TDRD6: variants seen among roughly 807,000 people sequenced by gnomAD.
TDRD6 encodes the protein tudor domain containing 6.
Under a neutral mutation model 157.5 loss-of-function variants are expected in TDRD6, and 186 were observed. That is an observed-to-expected ratio of 1.18 (90% CI 1.05 to 1.33). The LOEUF (loss-of-function observed/expected upper bound fraction) is 1.33. TDRD6 is among the 40% of genes most tolerant of loss of function. TDRD6 has a pLI of 0.00. For synonymous variants in TDRD6, 1,075 were observed against 945.2 expected, an observed-to-expected ratio of 1.14 and a Z score of -2.52; for missense variants, 3,066 against 2,508.0, an observed-to-expected ratio of 1.22 and a Z score of -4.75.
rs756593966 is a variant in TDRD6 at position 46,690,864 on chromosome 6, T to C, written c.2736T>C (p.Asn912=). The C allele has an allele frequency of 2.5e-6, 4 of 1,613,558 alleles. No homozygotes were observed. Among genetic ancestry groups the C allele is most frequent in the African/African-American group, 1.3e-5 (1 of 74,876 alleles). ...AIQAFNEFID[N]AWQKNLELKC... ...AAGCTTTCAATGAATTTATAGATAA[T>C]GCATGGCAAAAAAATCTAGAATTAA... is the stretch of plus-strand genomic sequence containing the variant. The change falls in exon 1 of 4, where the codon AAT becomes AAC. Residue 912 remains asparagine, a synonymous_variant. Transcript: ENST00000316081.
chr6:46,696,464 GTA>G (rs1764497532), intron 2 of TDRD6, among the ~76,000 whole-genome samples: 1 of 48,192 alleles, frequency 2.1e-5, no homozygotes, highest in African/African-American at 7.6e-5. Flanking sequence ...ATATATATAT[GTA>G]TATGTGTGTA....
Position 46,687,989 on chromosome 6 carries a change from C to G in TDRD6, c.-140C>G, listed in dbSNP as rs1001760566. ...CGACGGGGGAGTTGCCGAGAAAAGG[C>G]CTCGCCGGCATTCTTCCCCTCCACT... On this transcript the variant is annotated 5_prime_UTR_variant, in exon 1 of 4. Coordinates refer to ENST00000316081, the MANE Select transcript of TDRD6 (RefSeq NM_001010870.3). 3.1e-6 allele frequency: 4 copies of G among 1,299,914 alleles called. No homozygotes were observed. Among genetic ancestry groups the G allele is most frequent in the Non-Finnish European group, 4.0e-6 (4 of 1,003,990 alleles). The allele number at this position is 1,299,914 out of a possible 1,614,324, so 80.5% of individuals were successfully genotyped here.
chr6:46,698,151 CA>C (rs1764542469), intron 3 of TDRD6, 64 bp downstream of exon 3: 1 of 1,239,530 alleles, frequency 8.1e-7, no homozygotes, highest in African/African-American at 1.5e-5. Flanking sequence ...GGTGATTTAA[CA>C]AACTATTTCC....
Position 46,690,761 on chromosome 6 carries a change from A to G in TDRD6, c.2633A>G (p.Gln878Arg). ...GAAGAATTTCTGAAGGTTAAGGCAC[A>G]GGCTTTTAGGTGCAGTCTTTATAAT... is the stretch of plus-strand genomic sequence containing the variant. ...ISEEFLKVKAQAFRCSLYNLI... is the reference protein window; with the variant it reads ...ISEEFLKVKARAFRCSLYNLI... The change falls in exon 1 of 4, where the codon CAG (glutamine) becomes CGG (arginine). Residue 878 changes from glutamine (Q) to arginine (R), a missense_variant. Coordinates refer to ENST00000316081, the MANE Select transcript of TDRD6 (RefSeq NM_001010870.3). 1 of 1,614,174 alleles carries G rather than the reference A, an allele frequency of 6.2e-7. No homozygotes were observed. The highest frequency in any genetic ancestry group is 8.5e-7 in the Non-Finnish European group (1 of 1,180,006).
Position 46,687,979 on chromosome 6 carries a change from C to T in TDRD6, c.-150C>T. 5.5e-6 allele frequency: 7 copies of T among 1,266,342 alleles called. No individual in the cohort carries two copies. In the South Asian group the frequency reaches 8.8e-5, roughly 16 times the overall value. 78.4% of individuals were successfully genotyped at this position (1,266,342 alleles called of 1,614,324 possible). A position where few individuals can be genotyped will look rare whatever the true frequency, so the allele number is the denominator to read the frequency against. ...GGAGGACCCTCGACGGGGGAGTTGC[C>T]GAGAAAAGGCCTCGCCGGCATTCTT... On this transcript the variant is annotated 5_prime_UTR_variant, in exon 1 of 4. Transcript: ENST00000316081.
In TDRD6 at chr6:46,693,711, G is replaced by A; in HGVS notation, c.5583G>A (p.Val1861=). 6.2e-7 allele frequency: 1 copy of A among 1,614,174 alleles called. No homozygotes were observed. Among genetic ancestry groups the A allele is most frequent in the Non-Finnish European group, 8.5e-7 (1 of 1,180,034 alleles). ...LESIELQNSL[V]VDEEKGELSP... is the part of the protein sequence containing the mutation. ...CTATTGAGTTACAGAATTCTCTGGTGGTGGATGAAGAAAAAGGGGAGCTAA... is the reference window on the plus strand; with the variant it reads ...CTATTGAGTTACAGAATTCTCTGGTAGTGGATGAAGAAAAAGGGGAGCTAA... Residue 1861 remains valine (V), a synonymous_variant, in exon 1 of 4, where the codon GTG becomes GTA. Transcript: ENST00000316081.
At position 46,689,809 on chromosome 6, in the gene TDRD6, G is replaced by A; in HGVS notation, c.1681G>A (p.Asp561Asn). ...GYYRAIVTKLDDKSVDVFLVD... is the reference protein window; with the variant it reads ...GYYRAIVTKLNDKSVDVFLVD... ...TTATAGGGCCATAGTCACCAAATTG[G>A]ATGACAAGAGTGTGGATGTATTCTT... The change falls in exon 1 of 4, where the codon GAT becomes AAT. Residue 561 changes from aspartate to asparagine, a missense_variant. Transcript: ENST00000316081. 1 of 1,614,184 alleles carries A rather than the reference G, an allele frequency of 6.2e-7. No homozygotes were observed. Among genetic ancestry groups the A allele is most frequent in the Non-Finnish European group, 8.5e-7 (1 of 1,180,044 alleles).
Position 46,694,166 on chromosome 6 carries a change from A to G in TDRD6, c.6038A>G (p.His2013Arg), listed in dbSNP as rs1296449912. ...GSKHNNGLPDHISAQLQNTYT... is the reference protein window; with the variant it reads ...GSKHNNGLPDRISAQLQNTYT... Reference sequence around the variant, plus strand: ...AAGCACAATAATGGTTTACCAGATCATATCTCAGGTATGTGAATTTTTTTT... The same window carrying G: ...AAGCACAATAATGGTTTACCAGATCGTATCTCAGGTATGTGAATTTTTTTT... The change falls in exon 1 of 4, where the codon CAT becomes CGT. Residue 2013 changes from histidine to arginine, a missense_variant. Transcript: ENST00000316081. 5.3e-6 allele frequency: 8 copies of G among 1,522,480 alleles called. No individual in the cohort carries two copies. Among genetic ancestry groups the G allele is most frequent in the Non-Finnish European group, 6.1e-6 (7 of 1,139,996 alleles). 94.3% of individuals were successfully genotyped at this position (1,522,480 alleles called of 1,614,324 possible). A position where few individuals can be genotyped will look rare whatever the true frequency, so the allele number is the denominator to read the frequency against.
At chr6:46,695,986 A>G in intron 2 of TDRD6, 41 bp downstream of exon 2, 2 of 1,593,216 alleles carry the variant, frequency 1.3e-6, no homozygotes, top group South Asian at 1.1e-5. Flanking sequence ...ATGTATTTGC[A>G]GACTATTAAG....
In TDRD6 at chr6:46,690,838, C is replaced by T; in HGVS notation, c.2710C>T (p.Gln904Ter). The change falls in exon 1 of 4, where the codon CAA becomes TAA. Residue 904 changes from glutamine to a stop codon, truncating the protein, a stop_gained. Transcript: ENST00000316081. LOFTEE classifies it high-confidence loss of function. The part of the protein sequence containing the change: ...NPFVWDVKAI[Q>*]AFNEFIDNAW... ...CTTTGTTTGGGATGTAAAGGCAATA[C>T]AAGCTTTCAATGAATTTATAGATAA... The T allele has an allele frequency of 1.9e-6, 3 of 1,613,746 alleles. No individual in the cohort carries two copies. Among genetic ancestry groups the T allele is most frequent in the Non-Finnish European group, 1.7e-6 (2 of 1,179,940 alleles).
intron 3 of TDRD6, among the ~76,000 whole-genome samples, chr6:46,698,748 C>A (rs938414852): frequency 1.7e-4 from 26 of 152,066 alleles, no homozygotes; most frequent in African/African-American, 5.8e-4. Flanking sequence ...TTTCTTGGTT[C>A]TTTGTATGTT....
chr6:46,696,312 A>G (rs1764493423), intron 2 of TDRD6, among the ~76,000 whole-genome samples: 1 of 151,578 alleles, frequency 6.6e-6, no homozygotes, highest in Non-Finnish European at 1.5e-5. Flanking sequence ...TCTTCCTTAA[A>G]TTGATTGTCC....
chr6:46,689,497 C>G lies in TDRD6; in HGVS notation c.1369C>G (p.Pro457Ala), dbSNP rs568240033. Reference protein sequence around the residue: ...LQSQATEEEEPETSQSQSPAE... With the variant: ...LQSQATEEEEAETSQSQSPAE... ...GAGCCAGGCAACAGAGGAGGAGGAA[C>G]CAGAAACATCTCAGTCTCAGTCTCC... Residue 457 changes from proline (P) to alanine (A), a missense_variant, in exon 1 of 4, where the codon CCA (proline) becomes GCA (alanine). Transcript: ENST00000316081. 6.2e-7 allele frequency: 1 copy of G among 1,613,802 alleles called. No individual in the cohort carries two copies. Among genetic ancestry groups the G allele is most frequent in the Admixed American group, 1.7e-5 (1 of 60,020 alleles).
the TDRD6 span, among the ~76,000 whole-genome samples, chr6:46,682,036 G>T: frequency 3.3e-5 from 5 of 152,156 alleles, 1 homozygote; most frequent in South Asian, 1.0e-3. Flanking sequence ...CTTTAAAATG[G>T]TTTCAATGGT....
At position 46,693,962 on chromosome 6, in the gene TDRD6, G is replaced by A; in HGVS notation, c.5834G>A (p.Cys1945Tyr). Residue 1945 changes from cysteine to tyrosine, a missense_variant, in exon 1 of 4, where the codon TGT becomes TAT. By Grantham distance (194) the Cys-to-Tyr change is radical (BLOSUM62 -2). Transcript: ENST00000316081. ...ACTGAGGACATGAGAAAGTCAAGTT[G>A]TGTAGAATCTTTTGATGACCAGCGC... ...MCTEDMRKSS[C>Y]VESFDDQRRM... The A allele has an allele frequency of 1.2e-6, 2 of 1,613,810 alleles. No individual in the cohort carries two copies. Among genetic ancestry groups the A allele is most frequent in the East Asian group, 4.5e-5 (2 of 44,870 alleles).
At chr6:46,701,138 C>A in intron 3 of TDRD6, 1 of 301,722 alleles carries the variant, frequency 3.3e-6, no homozygotes, top group Non-Finnish European at 6.8e-6. Flanking sequence ...TATGCTGAAT[C>A]CCTCAAACAA....
intron 2 of TDRD6, among the ~76,000 whole-genome samples, chr6:46,697,020 G>A (rs1228410174): frequency 6.6e-6 from 1 of 152,026 alleles, no homozygotes; most frequent in Non-Finnish European, 1.5e-5. Flanking sequence ...AAATTGGAGA[G>A]CCCCTGGCCT....
chr6:46,697,909 G>C, intron 2 of TDRD6, 89 bp from the exon 3 acceptor site: 1 of 637,932 alleles, frequency 1.6e-6, no homozygotes, highest in Middle Eastern at 4.4e-4. Flanking sequence ...AATAATAATA[G>C]TATTTCATTT....
chr6:46,698,293 C>T (rs569300436), intron 3 of TDRD6, among the ~76,000 whole-genome samples: 1 of 152,180 alleles, frequency 6.6e-6, no homozygotes, highest in Non-Finnish European at 1.5e-5. Flanking sequence ...ATGTTTTACT[C>T]CTTGATTAGA....
Sources: allele counts gnomAD v4.1 joint callset (sites outside exome capture counted in the v4.1 genomes callset), GRCh38; gene constraint gnomAD v4.1.1; transcripts MANE v1.5; gene names NCBI Gene and HGNC (gene_info 2026-07-23, HGNC 2026-07-21).